POC1B: variants seen among roughly 807,000 people sequenced by gnomAD.
The protein encoded by POC1B is POC1 centriolar protein homolog B.
POC1B carries 44 observed loss-of-function variants against 60.6 expected under a neutral mutation model. That is an observed-to-expected ratio of 0.73 (90% CI 0.57 to 0.93). The LOEUF is 0.93. Ranked by LOEUF, POC1B falls within the 40% of genes least tolerant of loss-of-function variation. POC1B has a pLI of 0.00. For missense variants in POC1B, 555 were observed against 572.3 expected, an observed-to-expected ratio of 0.97 and a Z score of 0.31; for synonymous variants, 180 against 198.9, an observed-to-expected ratio of 0.90 and a Z score of 0.80.
At position 89,525,876 on chromosome 12, in the gene POC1B, C is replaced by G. The variant is rs755441355; in HGVS notation, c.15+5G>C. Reference sequence around the variant, plus strand: ...GGACCCCCCCCACCTCCAACCCGTCCTTACCGTGGCTGAGGCCATCGGGGG... The same window carrying G: ...GGACCCCCCCCACCTCCAACCCGTCGTTACCGTGGCTGAGGCCATCGGGGG... On this transcript the variant is annotated splice_donor_5th_base_variant and intron_variant, in intron 1 of 11. Coordinates refer to ENST00000313546, the MANE Select transcript of POC1B (RefSeq NM_172240.3). The G allele has an allele frequency of 4.1e-6, 6 of 1,454,606 alleles. No homozygotes were observed. Among genetic ancestry groups the G allele is most frequent in the Non-Finnish European group, 5.5e-6 (6 of 1,097,956 alleles). The allele number at this position is 1,454,606 out of a possible 1,614,324, so 90.1% of individuals were successfully genotyped here.
At chr12:89,520,080 T>C (rs771242821) in intron 2 of POC1B, 10 of 152,280 alleles carry the variant, frequency 6.6e-5, no homozygotes, top group Admixed American at 4.6e-4. Context: ...TGCCTAAATA[T>C]GAAAATGTGA....
At chr12:89,514,406 T>C (rs1460527737) in intron 2 of POC1B, among the ~76,000 whole-genome samples, 84 of 129,462 alleles carry the variant, frequency 6.5e-4, no homozygotes, top group African/African-American at 2.3e-3. Context: ...GTATTTCTTT[T>C]TTTTTTTTTT....
In POC1B at chr12:89,471,631, A is replaced by G; in HGVS notation, c.659T>C (p.Leu220Ser). 6.2e-7 allele frequency: 1 copy of G among 1,610,388 alleles called. No individual in the cohort carries two copies. The highest frequency in any genetic ancestry group is 8.5e-7 in the Non-Finnish European group (1 of 1,177,642). The change falls in exon 6 of 12, where the codon TTA (leucine) becomes TCA (serine). Residue 220 changes from leucine (L) to serine (S), a missense_variant. Leu to Ser is a moderately radical substitution (Grantham distance 145). Coordinates refer to ENST00000313546, the MANE Select transcript of POC1B (RefSeq NM_172240.3). ...VKVWDVRVNK[L>S]LQHYQVHSGG... is the part of the protein sequence containing the mutation. Reference sequence around the variant, plus strand: ...ATTGTTACCTTGGTAATGCTGTAGTAATTTGTTCACTCTTACATCCCAGAC... The same window carrying G: ...ATTGTTACCTTGGTAATGCTGTAGTGATTTGTTCACTCTTACATCCCAGAC...
At chr12:89,451,224 A>G (rs1882028752) in intron 10 of POC1B, among the ~76,000 whole-genome samples, 1 of 152,228 alleles carries the variant, frequency 6.6e-6, no homozygotes, top group East Asian at 1.9e-4. Flanking sequence ...AATAATCCAA[A>G]TAGATACATA....
the POC1B span, among the ~76,000 whole-genome samples, chr12:89,407,808 TTTA>T: frequency 6.6e-6 from 1 of 151,958 alleles, no homozygotes; most frequent in African/African-American, 2.4e-5. Flanking sequence ...TAGCCTAGGA[TTTA>T]TTATTATTAT....
chr12:89,452,530 C>CTT (rs1197858204), intron 10 of POC1B, among the ~76,000 whole-genome samples: 1 of 151,830 alleles, frequency 6.6e-6, no homozygotes. Context: ...TTTTTAAAAA[C>CTT]TTTAAGAGTA....
At chr12:89,502,703 C>G in intron 2 of POC1B, 1 of 1,339,372 alleles carries the variant, frequency 7.5e-7, no homozygotes, top group South Asian at 1.2e-5. Context: ...ATTGGATACA[C>G]CCTTTTTTTC....
At chr12:89,454,144 T>A (rs1882163368) in intron 10 of POC1B, among the ~76,000 whole-genome samples, 1 of 152,196 alleles carries the variant, frequency 6.6e-6, no homozygotes, top group Non-Finnish European at 1.5e-5. Flanking sequence ...CACGATTCTT[T>A]TTCTCTCATC....
At chr12:89,416,297 T>C (rs191713586), downstream of POC1B, among the ~76,000 whole-genome samples, 12 of 152,044 alleles carry the variant, frequency 7.9e-5, no homozygotes, top group East Asian at 2.3e-3. Flanking sequence ...TTTTAAAGGA[T>C]GAATAGGGGT....
intron 10 of POC1B, among the ~76,000 whole-genome samples, chr12:89,454,976 A>G (rs1882192923): frequency 6.6e-6 from 1 of 152,190 alleles, no homozygotes; most frequent in South Asian, 2.1e-4. Flanking sequence ...ATTCTAAACT[A>G]GACTGATGCA....
At chr12:89,485,362 A>G (rs1868575864) in intron 4 of POC1B, 1 of 152,214 alleles carries the variant, frequency 6.6e-6, no homozygotes, top group Non-Finnish European at 1.5e-5. Context: ...CCAAGAAGAT[A>G]TATTATAATA....
chr12:89,464,800 A>AG, intron 9 of POC1B, among the ~76,000 whole-genome samples: 1 of 129,692 alleles, frequency 7.7e-6, no homozygotes, highest in African/African-American at 2.7e-5. Context: ...AGATTTTTTC[A>AG]GGAAAAAAAA....
At position 89,500,267 on chromosome 12, in the gene POC1B, G is replaced by A. The variant is rs946052997; in HGVS notation, c.101-2925C>T. On this transcript the variant is annotated intron_variant, in intron 2 of 11. Coordinates refer to ENST00000313546, the MANE Select transcript of POC1B (RefSeq NM_172240.3). ...TTTTAGCACAAATTCTACAAAATCA[G>A]TGCTTAATTCAACACGCAAAATAAA... The A allele has an allele frequency of 1.9e-6, 3 of 1,551,646 alleles. No homozygotes were observed. The African/African-American group carries it at 4.1e-5, about 21-fold the overall frequency.
At chr12:89,465,203 A>G (rs1005309534) in intron 9 of POC1B, among the ~76,000 whole-genome samples, 1 of 152,322 alleles carries the variant, frequency 6.6e-6, no homozygotes, top group East Asian at 1.9e-4. Context: ...TGGCTATACC[A>G]TAAGAGCAGA....
At chr12:89,435,249 C>T (rs1440189058) in intron 10 of POC1B, among the ~76,000 whole-genome samples, 1 of 147,792 alleles carries the variant, frequency 6.8e-6, no homozygotes, top group Non-Finnish European at 1.5e-5. Context: ...GGTGCCATCT[C>T]GGCTCACTGC....
chr12:89,412,366 T>C, the POC1B span, among the ~76,000 whole-genome samples: 1 of 151,608 alleles, frequency 6.6e-6, no homozygotes, highest in African/African-American at 2.4e-5. Flanking sequence ...TCTTTTTTTT[T>C]TTTTTGTAGT....
At chr12:89,456,361 G>A (rs1170414807) in intron 10 of POC1B, among the ~76,000 whole-genome samples, 1 of 152,074 alleles carries the variant, frequency 6.6e-6, no homozygotes, top group Non-Finnish European at 1.5e-5. Flanking sequence ...AAACAAATTC[G>A]TATCTTGTTT....
At chr12:89,445,192 T>A (rs1047947545) in intron 10 of POC1B, among the ~76,000 whole-genome samples, 4 of 152,202 alleles carry the variant, frequency 2.6e-5, no homozygotes, top group African/African-American at 9.7e-5. Context: ...CAAGGTAATT[T>A]ATAGATTCAA....
At chr12:89,432,320 A>G (rs1425239780) in intron 10 of POC1B, among the ~76,000 whole-genome samples, 2 of 122,620 alleles carry the variant, frequency 1.6e-5, no homozygotes, top group Non-Finnish European at 1.6e-5. Context: ...TGGGAGGTGG[A>G]GGTTGCAGTG....
Sources: allele counts gnomAD v4.1 joint callset (sites outside exome capture counted in the v4.1 genomes callset), GRCh38; gene constraint gnomAD v4.1.1; transcripts MANE v1.5; gene names NCBI Gene and HGNC (gene_info 2026-07-23, HGNC 2026-07-21).